Variants in AGAP1 observed in about 807,000 individuals in gnomAD.
AGAP1 encodes the protein arf-GAP with GTPase, ANK repeat and PH domain-containing protein 1.
In AGAP1, 29 loss-of-function variants were observed where a neutral mutation model predicts 105.3. The observed-to-expected ratio is 0.28, with a 90% confidence interval of 0.21 to 0.38. The LOEUF (loss-of-function observed/expected upper bound fraction) is 0.38. AGAP1 is among the 10% of genes least tolerant of loss of function. The probability of loss-of-function intolerance (pLI) is 1.00; values close to 1 mark genes in which losing one functional copy is unlikely to be tolerated. For missense variants in AGAP1, 998 were observed against 1,165.1 expected (o/e 0.86, Z 2.09); for synonymous variants, 509 against 485.9 (o/e 1.05, Z -0.63).
intron 16 of AGAP1, among the ~76,000 whole-genome samples, chr2:236,065,288 A>AC (rs1414060997): frequency 6.6e-6 from 1 of 152,158 alleles, no homozygotes. Context: ...ATTGGCTTTG[A>AC]GTTAGGAGTG....
rs1418925900 is a variant in AGAP1 at position 235,799,286 on chromosome 2, G to A, written c.802-81G>A. The A allele has an allele frequency of 2.6e-6, 4 of 1,511,300 alleles. No individual in the cohort carries two copies. The highest frequency in any genetic ancestry group is 2.7e-6 in the Non-Finnish European group (3 of 1,108,548). The allele number at this position is 1,511,300 out of a possible 1,614,324, so 93.6% of individuals were successfully genotyped here. A position where few individuals can be genotyped will look rare whatever the true frequency, so the allele number is the denominator to read the frequency against. ...CCTTCCATGGGGCTCATGCTCACTT[G>A]TTGGTTATGACCTTGCCTAAGTGGA... On this transcript the variant is annotated intron_variant, in intron 7 of 17. Coordinates refer to ENST00000304032, the MANE Select transcript of AGAP1 (RefSeq NM_001037131.3). The surrounding 1 kb of genome is among the most constrained non-coding windows in gnomAD (Gnocchi z 5.0).
chr2:236,118,134 G>A (rs1298519061), intron 16 of AGAP1, among the ~76,000 whole-genome samples: 1 of 152,084 alleles, frequency 6.6e-6, no homozygotes. Flanking sequence ...ATGTAAACAC[G>A]GGTAAAAGGT....
chr2:235,766,907 A>AT (rs71036292), intron 6 of AGAP1, among the ~76,000 whole-genome samples: 22,269 of 109,790 alleles, frequency 0.2, 2,593 homozygotes, highest in Admixed American at 0.34. Context: ...ACACCGGCTA[A>AT]TTTTTTTTTT....
chr2:235,617,433 G>A (rs968423060), intron 1 of AGAP1, among the ~76,000 whole-genome samples: 7 of 152,124 alleles, frequency 4.6e-5, no homozygotes, highest in African/African-American at 1.7e-4. Context: ...CAGGTGCGGT[G>A]GCTCACACCT....
rs1941204499 is a variant in AGAP1, at chr2:235,494,172, G to A, written c.-515G>A. 1 of 144,298 alleles carries A rather than the reference G, an allele frequency of 6.9e-6. No individual in the cohort carries two copies. The highest frequency in any genetic ancestry group is 1.5e-5 in the Non-Finnish European group (1 of 64,918). 8.9% of individuals were successfully genotyped at this position (144,298 alleles called of 1,614,324 possible). ...GGGCGGCGCACGGCGGGCTCGCGCG[G>A]GGGCCCCGGCGCGCCGGGCGGCGCA... On this transcript the variant is annotated 5_prime_UTR_variant, in exon 1 of 18. Coordinates refer to ENST00000304032, the MANE Select transcript of AGAP1 (RefSeq NM_001037131.3).
Position 236,009,776 on chromosome 2 carries a change from T to C in AGAP1, c.1646-26785T>C, listed in dbSNP as rs2056447380. ...GTCCCTGCTCGGTTCACGCCAAGGA[T>C]GTAATTCATGCACACTTGGACGTCC... On this transcript the variant is annotated intron_variant, in intron 13 of 17. Transcript: ENST00000304032. This position sits in a 1 kb window ranked among gnomAD's most constrained non-coding sequence, Gnocchi z 4.2. Among the ~76,000 whole-genome samples, 1 of 152,206 alleles carries C rather than the reference T, an allele frequency of 6.6e-6. No homozygotes were observed. The highest frequency in any genetic ancestry group is 2.4e-5 in the African/African-American group (1 of 41,454).
At chr2:235,510,184 A>G (rs1223926796) in intron 1 of AGAP1, among the ~76,000 whole-genome samples, 3 of 152,194 alleles carry the variant, frequency 2.0e-5, no homozygotes, top group Non-Finnish European at 4.4e-5. Flanking sequence ...AAGGTGCACA[A>G]TAAATGTAAT....
At chr2:235,707,409 C>T (rs368775822) in intron 1 of AGAP1, among the ~76,000 whole-genome samples, 90 of 148,826 alleles carry the variant, frequency 6.0e-4, no homozygotes, top group African/African-American at 2.1e-3. Flanking sequence ...CATCGGGAGA[C>T]CCTTGACGCT....
At position 235,556,645 on chromosome 2, in the gene AGAP1, A is replaced by C. The variant is rs1417912779; in HGVS notation, c.163+61796A>C. On this transcript the variant is annotated intron_variant, in intron 1 of 17. Transcript: ENST00000304032. This position sits in a 1 kb window ranked among gnomAD's most constrained non-coding sequence, Gnocchi z 5.3. The stretch of plus-strand genomic sequence containing the variant: ...CTGGTTCCCTCTCTCCCCTATGTGC[A>C]AGTAAATAACATGCTACTATATGTA... Among the ~76,000 whole-genome samples the C allele has an allele frequency of 6.6e-6, 1 of 152,258 alleles. No individual in the cohort carries two copies. The highest frequency in any genetic ancestry group is 1.9e-4 in the East Asian group (1 of 5,196).
intron 16 of AGAP1, among the ~76,000 whole-genome samples, chr2:236,091,099 T>G (rs2059048424): frequency 6.6e-6 from 1 of 152,234 alleles, no homozygotes; most frequent in Admixed American, 6.5e-5. Context: ...TGCCCTGTCC[T>G]TGGCCACGTG....
rs1176820866 is a variant in AGAP1, at chr2:235,586,979, G to C, written c.163+92130G>C. ...CTAGGGTGGCAGTTTTGAGTCCCAT[G>C]AAAACAAACACATTTACTCTGTCTA... On this transcript the variant is annotated intron_variant, in intron 1 of 17. Transcript: ENST00000304032. The surrounding 1 kb of genome is among the most constrained non-coding windows in gnomAD (Gnocchi z 4.2). 6.6e-6 allele frequency among the ~76,000 whole-genome samples: 1 copy of C among 152,204 alleles called. No individual in the cohort carries two copies. The highest frequency in any genetic ancestry group is 1.5e-5 in the Non-Finnish European group (1 of 68,036).
At chr2:236,112,727 G>A (rs560235490) in intron 16 of AGAP1, among the ~76,000 whole-genome samples, 7 of 152,316 alleles carry the variant, frequency 4.6e-5, no homozygotes, top group East Asian at 1.9e-4. Flanking sequence ...CGCACAGAAC[G>A]CTCTCCCGCT....
In AGAP1 at chr2:236,020,181, G is replaced by C. The variant is rs1178976534; in HGVS notation, c.1646-16380G>C. ...GATGACACCCACTGCACAGGGTTGT[G>C]GGGAGGAGTCAGCAAGCTAACATAC... On this transcript the variant is annotated intron_variant, in intron 13 of 17. Transcript: ENST00000304032. The surrounding 1 kb of genome is among the most constrained non-coding windows in gnomAD (Gnocchi z 5.0). Among the ~76,000 whole-genome samples the C allele has an allele frequency of 6.6e-6, 1 of 152,166 alleles. No homozygotes were observed. Among genetic ancestry groups the C allele is most frequent in the Admixed American group, 6.5e-5 (1 of 15,282 alleles).
In AGAP1 at chr2:235,608,919, C is replaced by G. The variant is rs1402188031; in HGVS notation, c.164-100260C>G. Among the ~76,000 whole-genome samples, 2 of 151,926 alleles carry G rather than the reference C, an allele frequency of 1.3e-5. No homozygotes were observed. The highest frequency in any genetic ancestry group is 3.4e-3 in the Middle Eastern group (1 of 294). On this transcript the variant is annotated intron_variant, in intron 1 of 17. Coordinates refer to ENST00000304032, the MANE Select transcript of AGAP1 (RefSeq NM_001037131.3). The surrounding 1 kb of genome is among the most constrained non-coding windows in gnomAD (Gnocchi z 5.4). ...CTTTCAGCTTGTTCTTGACTTCCCC[C>G]CCATCCCTAATACCCCCAACTATGC...
At chr2:235,671,259 C>T (rs1301519498) in intron 1 of AGAP1, among the ~76,000 whole-genome samples, 5 of 152,210 alleles carry the variant, frequency 3.3e-5, no homozygotes, top group Non-Finnish European at 2.9e-5. Context: ...GCTGTGCGTG[C>T]TGGTGCCCCT....
intron 1 of AGAP1, among the ~76,000 whole-genome samples, chr2:235,580,525 C>T (rs756893457): frequency 6.6e-6 from 1 of 152,020 alleles, no homozygotes; most frequent in Non-Finnish European, 1.5e-5. Flanking sequence ...GAGGTAGAGT[C>T]GAGTGTATCT....
At chr2:235,702,632 T>C (rs934962165) in intron 1 of AGAP1, among the ~76,000 whole-genome samples, 9 of 152,216 alleles carry the variant, frequency 5.9e-5, no homozygotes, top group African/African-American at 2.2e-4. Context: ...GGTAGTCATA[T>C]CACATGGATG....
chr2:235,628,196 G>A (rs534073787), intron 1 of AGAP1, among the ~76,000 whole-genome samples: 7 of 152,254 alleles, frequency 4.6e-5, no homozygotes, highest in Admixed American at 2.0e-4. Flanking sequence ...CCCAGCACAC[G>A]TCAGGCACTG....
In AGAP1 at chr2:236,044,946, C is replaced by G. The variant is rs900877776; in HGVS notation, c.1891+4105C>G. Among the ~76,000 whole-genome samples the G allele has an allele frequency of 6.6e-6, 1 of 152,128 alleles. No individual in the cohort carries two copies. Reference sequence around the variant, plus strand: ...GAGTGCAGCAGAAAGGGTAGGCTGCCTCTCGGGGCCTGTCCATGATTGCAG... The same window carrying G: ...GAGTGCAGCAGAAAGGGTAGGCTGCGTCTCGGGGCCTGTCCATGATTGCAG... On this transcript the variant is annotated intron_variant, in intron 15 of 17. Coordinates refer to ENST00000304032, the MANE Select transcript of AGAP1 (RefSeq NM_001037131.3). The surrounding 1 kb of genome is among the most constrained non-coding windows in gnomAD (Gnocchi z 5.7).
Sources: allele counts gnomAD v4.1 joint callset (sites outside exome capture counted in the v4.1 genomes callset), GRCh38; gene constraint gnomAD v4.1.1; non-coding constraint Gnocchi (gnomAD v3.1); transcripts MANE v1.5; gene names NCBI Gene and HGNC (gene_info 2026-07-23, HGNC 2026-07-21).